MED12L: variants seen among roughly 807,000 people sequenced by gnomAD.
MED12L encodes the protein mediator complex subunit 12L.
Under a neutral mutation model 281.3 loss-of-function variants are expected in MED12L, and 60 were observed. The ratio of observed to expected loss-of-function variants is 0.21; its 90% CI spans 0.17 to 0.26. The LOEUF is 0.26. Ranked by LOEUF, MED12L falls within the 10% of genes least tolerant of loss-of-function variation. MED12L has a pLI of 1.00. For synonymous variants in MED12L, 974 were observed against 987.2 expected (o/e 0.99, Z 0.25); for missense variants, 2,146 against 2,680.9 (o/e 0.80, Z 4.41).
intron 16 of MED12L, among the ~76,000 whole-genome samples, chr3:151,197,143 T>A (rs1262927482): frequency 1.3e-5 from 2 of 152,126 alleles, no homozygotes; most frequent in Non-Finnish European, 2.9e-5. Context: ...GGAGTCAGCT[T>A]ATACTTTATT....
chr3:151,158,994 T>C (rs1719647020), intron 7 of MED12L, among the ~76,000 whole-genome samples, 195 bp downstream of exon 7: 1 of 152,248 alleles, frequency 6.6e-6, no homozygotes, highest in East Asian at 1.9e-4. Context: ...TTAACCATGT[T>C]GGTAGTTTTT....
intron 21 of MED12L, among the ~76,000 whole-genome samples, chr3:151,361,648 T>C (rs10755105): frequency 0.66 from 100,056 of 152,028 alleles, 33,304 homozygotes; most frequent in African/African-American, 0.75. Flanking sequence ...ATCCAGAATT[T>C]GTATTGAATT....
chr3:151,102,351 G>A (rs1232109755), intron 2 of MED12L, among the ~76,000 whole-genome samples: 1 of 152,102 alleles, frequency 6.6e-6, no homozygotes, highest in African/African-American at 2.4e-5. Context: ...GCTAACAGAG[G>A]TTAACTGTTT....
At position 151,089,117 on chromosome 3, in the gene MED12L, A is replaced by AT. The variant is rs562010998; in HGVS notation, c.99+2098dup. Among the ~76,000 whole-genome samples the AT allele has an allele frequency of 4.0e-3, 614 of 152,306 alleles. 3 individuals carry two copies. The highest frequency in any genetic ancestry group is 6.8e-3 in the Middle Eastern group (2 of 294). ...TTATTCTGAAGTTTTCTTTAAACTA[A>AT]TTTTTTAAGAAACTTTGTGTTTCCT... On this transcript the variant is annotated intron_variant, in intron 2 of 44. Transcript: ENST00000687756.
At position 151,388,043 on chromosome 3, in the gene MED12L, C is replaced by T. The variant is rs1317006783; in HGVS notation, c.5322C>T (p.Pro1774=). 6.2e-7 allele frequency: 1 copy of T among 1,614,004 alleles called. No individual in the cohort carries two copies. Among genetic ancestry groups the T allele is most frequent in the East Asian group, 2.2e-5 (1 of 44,816 alleles). Residue 1774 remains proline (P), a synonymous_variant, in exon 37 of 45, where the codon CCC becomes CCT. Transcript: ENST00000687756. ...PLPPEEEEEE[P]TSPVSQEPER... ...CTCCTGAGGAGGAAGAGGAAGAGCC[C>T]ACATCTCCAGTTTCTCAGGAACCAG...
chr3:151,215,101 T>A (rs3773619), intron 16 of MED12L, among the ~76,000 whole-genome samples: 7,828 of 152,222 alleles, frequency 0.051, 281 homozygotes, highest in Middle Eastern at 0.095. Context: ...TGGGTACCTT[T>A]TCAATATTGA....
At chr3:151,366,699 C>T (rs897879633) in intron 23 of MED12L, among the ~76,000 whole-genome samples, 2 of 152,104 alleles carry the variant, frequency 1.3e-5, no homozygotes, top group Non-Finnish European at 2.9e-5. Context: ...TGAAGGTTGA[C>T]TTCTGAATTC....
intron 39 of MED12L, among the ~76,000 whole-genome samples, chr3:151,398,299 A>G (rs1459699751): frequency 6.6e-6 from 1 of 152,222 alleles, no homozygotes; most frequent in African/African-American, 2.4e-5. Context: ...TGAACTCAGG[A>G]TATATCTAAG....
intron 16 of MED12L, among the ~76,000 whole-genome samples, chr3:151,201,637 G>A (rs1426460313): frequency 1.3e-5 from 2 of 152,160 alleles, no homozygotes; most frequent in Non-Finnish European, 2.9e-5. Context: ...CCTGAATCCT[G>A]CTTATTCCAG....
At chr3:151,263,140 G>T (rs1739216044) in intron 16 of MED12L, among the ~76,000 whole-genome samples, 1 of 152,176 alleles carries the variant, frequency 6.6e-6, no homozygotes, top group Non-Finnish European at 1.5e-5. Flanking sequence ...TGGGTGCAGA[G>T]ATGGATCAAC....
intron 11 of MED12L, among the ~76,000 whole-genome samples, chr3:151,171,626 A>C (rs1316777933): frequency 6.6e-6 from 1 of 152,232 alleles, no homozygotes; most frequent in Non-Finnish European, 1.5e-5. Flanking sequence ...TTTTATGCTT[A>C]GACTATTCGT....
chr3:151,432,507 A>G (rs1390600075), intron 44 of MED12L, among the ~76,000 whole-genome samples: 1 of 152,224 alleles, frequency 6.6e-6, no homozygotes, highest in Non-Finnish European at 1.5e-5. Flanking sequence ...GACACTCTGG[A>G]TGGGCCAGTA....
chr3:151,253,757 CCT>C (rs1440762489), intron 16 of MED12L, among the ~76,000 whole-genome samples: 1 of 151,998 alleles, frequency 6.6e-6, no homozygotes, highest in Non-Finnish European at 1.5e-5. Flanking sequence ...TTTTTTGCAG[CCT>C]CTCTCATCCA....
intron 40 of MED12L, 147 bp downstream of exon 40, chr3:151,409,479 A>G (rs977112993): frequency 1.8e-5 from 13 of 705,094 alleles, no homozygotes; most frequent in African/African-American, 1.8e-4. Flanking sequence ...TGATATTTCA[A>G]AAAAGCATGA....
intron 16 of MED12L, among the ~76,000 whole-genome samples, chr3:151,280,773 C>T (rs1020834866): frequency 4.0e-5 from 6 of 151,662 alleles, no homozygotes; most frequent in Non-Finnish European, 7.4e-5. Flanking sequence ...TGCACATACT[C>T]GTACACTCGA....
intron 16 of MED12L, among the ~76,000 whole-genome samples, chr3:151,243,024 A>C (rs1734537649): frequency 6.6e-6 from 1 of 151,812 alleles, no homozygotes; most frequent in Non-Finnish European, 1.5e-5. Flanking sequence ...CAGCGATGGA[A>C]GATGAAATGA....
At chr3:151,325,471 G>T (rs956794682) in intron 16 of MED12L, among the ~76,000 whole-genome samples, 3 of 151,532 alleles carry the variant, frequency 2.0e-5, no homozygotes, top group African/African-American at 7.3e-5. Flanking sequence ...GTAGCATCTT[G>T]TTTTTTTTAA....
intron 16 of MED12L, among the ~76,000 whole-genome samples, chr3:151,203,846 A>T (rs548251359): frequency 8.5e-4 from 129 of 152,198 alleles, no homozygotes; most frequent in African/African-American, 3.1e-3. Context: ...ATAGTTTATA[A>T]TTTTTCATTG....
intron 11 of MED12L, among the ~76,000 whole-genome samples, chr3:151,175,525 T>C (rs1165729256): frequency 1.3e-5 from 2 of 152,206 alleles, no homozygotes; most frequent in Admixed American, 6.5e-5. Context: ...AGGTAATATA[T>C]TAACAAATTT....
Sources: allele counts gnomAD v4.1 joint callset (sites outside exome capture counted in the v4.1 genomes callset), GRCh38; gene constraint gnomAD v4.1.1; transcripts MANE v1.5; gene names NCBI Gene and HGNC (gene_info 2026-07-23, HGNC 2026-07-21).